INPP4B: variants seen among roughly 807,000 people sequenced by gnomAD.
INPP4B encodes the protein inositol polyphosphate-4-phosphatase type II B.
A neutral mutation model predicts 122.5 loss-of-function variants in INPP4B; 55 were observed. That is an observed-to-expected ratio of 0.45 (90% CI 0.36 to 0.56). The LOEUF is 0.56. INPP4B is among the 20% of genes least tolerant of loss of function. The pLI, the probability that INPP4B is intolerant of heterozygous loss-of-function variation, is 0.00. For synonymous variants in INPP4B, 403 were observed against 388.7 expected (o/e 1.04, Z -0.43); for missense variants, 1,000 against 1,097.7 (o/e 0.91, Z 1.26).
intron 3 of INPP4B, among the ~76,000 whole-genome samples, chr4:142,462,174 G>C (rs967037948): frequency 2.0e-5 from 3 of 151,928 alleles, no homozygotes; most frequent in African/African-American, 7.3e-5. Context: ...CAGAGAAATA[G>C]CCTCTGTCTA....
intron 7 of INPP4B, among the ~76,000 whole-genome samples, chr4:142,385,553 T>C (rs1013354909): frequency 6.6e-6 from 1 of 152,136 alleles, no homozygotes; most frequent in African/African-American, 2.4e-5. Flanking sequence ...TATATTTAAT[T>C]GGAAAAGAGA....
chr4:142,407,203 G>A (rs1015289497), intron 5 of INPP4B, among the ~76,000 whole-genome samples: 1 of 152,110 alleles, frequency 6.6e-6, no homozygotes, highest in Non-Finnish European at 1.5e-5. Context: ...TCAACTGTTG[G>A]TTTTCTGCTT....
At chr4:142,085,910 G>C (rs977636518) in intron 24 of INPP4B, among the ~76,000 whole-genome samples, 3 of 152,152 alleles carry the variant, frequency 2.0e-5, no homozygotes, top group African/African-American at 7.2e-5. Flanking sequence ...CACATCCAAG[G>C]TTGGTAAGAA....
intron 7 of INPP4B, among the ~76,000 whole-genome samples, chr4:142,347,744 G>A (rs1224670706): frequency 6.6e-6 from 1 of 151,898 alleles, no homozygotes; most frequent in East Asian, 1.9e-4. Flanking sequence ...AAGCATTCAT[G>A]AGATAGAGAT....
chr4:142,845,272 G>T (rs969267117), intron 1 of INPP4B, among the ~76,000 whole-genome samples: 4 of 152,136 alleles, frequency 2.6e-5, no homozygotes, highest in Non-Finnish European at 5.9e-5. Flanking sequence ...AAGGAAGGGA[G>T]AATTCAGAAG....
In INPP4B at chr4:142,140,325, CTT is replaced by C. The variant is rs1807092365; in HGVS notation, c.1720+5513_1720+5514del. On this transcript the variant is annotated intron_variant, in intron 18 of 25. Coordinates refer to ENST00000262992, the MANE Select transcript of INPP4B (RefSeq NM_001101669.3). ...AATTCAATGGCATAGGATATTTGGC[CTT>C]TTACAGGGCATTTCATGACATACTT... Among the ~76,000 whole-genome samples, 5 of 152,196 alleles carry C rather than the reference CTT, an allele frequency of 3.3e-5. No individual in the cohort carries two copies. In the South Asian group the frequency reaches 1.0e-3, roughly 32 times the overall value.
intron 17 of INPP4B, among the ~76,000 whole-genome samples, chr4:142,147,852 T>A (rs1811624725): frequency 6.6e-6 from 1 of 152,120 alleles, no homozygotes; most frequent in East Asian, 1.9e-4. Context: ...CATCTGCCTG[T>A]TGTCTGAGAA....
intron 7 of INPP4B, among the ~76,000 whole-genome samples, chr4:142,375,800 G>C (rs1411087393): frequency 6.6e-6 from 1 of 151,938 alleles, no homozygotes; most frequent in Non-Finnish European, 1.5e-5. Context: ...TGGTAAAGTG[G>C]AAAGAGAAAA....
intron 9 of INPP4B, among the ~76,000 whole-genome samples, chr4:142,289,168 A>T (rs1385568094): frequency 7.2e-6 from 1 of 139,636 alleles, no homozygotes; most frequent in African/African-American, 3.4e-5. Flanking sequence ...TACTTTTAGC[A>T]GTGAATTTTT....
chr4:142,398,304 G>C (rs1800067508), intron 7 of INPP4B, among the ~76,000 whole-genome samples: 1 of 146,178 alleles, frequency 6.8e-6, no homozygotes, highest in African/African-American at 2.5e-5. Flanking sequence ...CGTAAACCCG[G>C]GAGGCGGAGC....
chr4:142,263,663 T>TAA (rs1741332361), intron 10 of INPP4B, among the ~76,000 whole-genome samples: 1 of 97,376 alleles, frequency 1.0e-5, no homozygotes, highest in Non-Finnish European at 2.0e-5. Flanking sequence ...TATATATATA[T>TAA]ATATATATAT....
chr4:142,302,099 G>T (rs1021936631), intron 9 of INPP4B, among the ~76,000 whole-genome samples: 1 of 152,104 alleles, frequency 6.6e-6, no homozygotes, highest in Non-Finnish European at 1.5e-5. Flanking sequence ...AAACCAGATC[G>T]AGATCAGGAT....
intron 1 of INPP4B, among the ~76,000 whole-genome samples, chr4:142,746,563 A>G (rs1337184705): frequency 2.6e-5 from 4 of 152,202 alleles, no homozygotes; most frequent in Non-Finnish European, 5.9e-5. Context: ...TGCATAGCCA[A>G]GACAATCTTC....
intron 2 of INPP4B, among the ~76,000 whole-genome samples, chr4:142,543,974 G>A (rs1829236802): frequency 6.6e-6 from 1 of 152,110 alleles, no homozygotes; most frequent in Non-Finnish European, 1.5e-5. Context: ...CATCCTACAT[G>A]TAGGTTTAAA....
At chr4:142,820,136 G>C in intron 1 of INPP4B, among the ~76,000 whole-genome samples, 1 of 152,184 alleles carries the variant, frequency 6.6e-6, no homozygotes, top group South Asian at 2.1e-4. Flanking sequence ...GCTTAATTTA[G>C]ATTGTATTGG....
At chr4:142,747,799 T>A (rs1450535493) in intron 1 of INPP4B, among the ~76,000 whole-genome samples, 3 of 151,890 alleles carry the variant, frequency 2.0e-5, no homozygotes, top group Non-Finnish European at 4.4e-5. Context: ...ATGTTCCCAC[T>A]CATAACTGGG....
chr4:142,362,807 T>C (rs1445139992), intron 7 of INPP4B, among the ~76,000 whole-genome samples: 1 of 151,842 alleles, frequency 6.6e-6, no homozygotes, highest in Non-Finnish European at 1.5e-5. Flanking sequence ...GACATAAAGA[T>C]GGGAGCAATG....
chr4:142,500,817 C>T (rs1823270617), intron 2 of INPP4B, among the ~76,000 whole-genome samples: 1 of 152,068 alleles, frequency 6.6e-6, no homozygotes, highest in Non-Finnish European at 1.5e-5. Context: ...ATATGATCTA[C>T]TCAAAGTAGA....
chr4:142,550,625 T>TATATATATATATATATATA (rs1560788767), intron 2 of INPP4B, among the ~76,000 whole-genome samples: 1 of 147,656 alleles, frequency 6.8e-6, no homozygotes, highest in Non-Finnish European at 1.5e-5. Flanking sequence ...TATATATTTT[T>TATATATATATATATATATA]TTTTTTACTT....
Sources: allele counts gnomAD v4.1 joint callset (sites outside exome capture counted in the v4.1 genomes callset), GRCh38; gene constraint gnomAD v4.1.1; transcripts MANE v1.5; gene names NCBI Gene and HGNC (gene_info 2026-07-23, HGNC 2026-07-21).